Variants in SRPK1 observed in about 807,000 individuals in gnomAD.
SRPK1 encodes the protein SFRS protein kinase 1.
In SRPK1, 52 loss-of-function variants were observed where a neutral mutation model predicts 89.5. That is an observed-to-expected ratio of 0.58 (90% confidence interval 0.46 to 0.73). The LOEUF is 0.73. SRPK1 is among the 30% of genes least tolerant of loss of function. The pLI, the probability that SRPK1 is intolerant of heterozygous loss-of-function variation, is 0.00. For missense variants in SRPK1, 603 were observed against 780.6 expected (o/e 0.77, Z 2.71); for synonymous variants, 255 against 270.2 (o/e 0.94, Z 0.55).
At chr6:35,909,573 G>C (rs183190030) in intron 2 of SRPK1, among the ~76,000 whole-genome samples, 4 of 152,220 alleles carry the variant, frequency 2.6e-5, no homozygotes, top group African/African-American at 9.7e-5. Flanking sequence ...GAGGACAAGA[G>C]ATCTGGGAGG....
chr6:35,894,957 G>A (rs1454688566), intron 2 of SRPK1, among the ~76,000 whole-genome samples: 1 of 152,070 alleles, frequency 6.6e-6, no homozygotes, highest in Non-Finnish European at 1.5e-5. Flanking sequence ...GAAGTTCCAA[G>A]AGCACAACTA....
rs1424922682 is a variant in SRPK1 at position 35,833,670 on chromosome 6, CAG to C, written c.*1632_*1633del. The stretch of plus-strand genomic sequence containing the variant: ...TCCGATGAATGGCTGGCCAGTTACT[CAG>C]AGTAATATGTTTATGAGTTAAATGG... On this transcript the variant is annotated 3_prime_UTR_variant, in exon 16 of 16. Transcript: ENST00000373825. 1 of 152,654 alleles carries C rather than the reference CAG, an allele frequency of 6.6e-6. No homozygotes were observed. Among genetic ancestry groups the C allele is most frequent in the Non-Finnish European group, 1.5e-5 (1 of 68,046 alleles). 9.5% of individuals were successfully genotyped at this position (152,654 alleles called of 1,614,324 possible). A position where few individuals can be genotyped will look rare whatever the true frequency, so the allele number is the denominator to read the frequency against.
chr6:35,903,066 C>T (rs951652278), intron 2 of SRPK1, among the ~76,000 whole-genome samples: 1 of 151,570 alleles, frequency 6.6e-6, no homozygotes, highest in Non-Finnish European at 1.5e-5. Context: ...ATCACTTGAG[C>T]CCAGGAGTTC....
chr6:35,878,530 G>A (rs114200157), intron 6 of SRPK1, among the ~76,000 whole-genome samples: 7 of 152,220 alleles, frequency 4.6e-5, no homozygotes, highest in African/African-American at 1.7e-4. Flanking sequence ...TGTAAATGTT[G>A]GTCAATTTCA....
rs371732561 is a variant in SRPK1, at chr6:35,876,002, G to A, written c.479-1663C>T. The stretch of plus-strand genomic sequence containing the variant: ...CCATGTACTATGCTTGACAAACACG[G>A]TTAACCTGAATTTAATCATGAGGAA... On this transcript the variant is annotated intron_variant, in intron 6 of 15. Transcript: ENST00000373825. Among the ~76,000 whole-genome samples the A allele has an allele frequency of 8.8e-5, 13 of 147,154 alleles. No homozygotes were observed. The South Asian group carries it at 2.4e-3, about 27-fold the overall frequency.
intron 12 of SRPK1, among the ~76,000 whole-genome samples, chr6:35,861,727 T>G (rs1264169681): frequency 6.6e-6 from 1 of 152,210 alleles, no homozygotes; most frequent in Non-Finnish European, 1.5e-5. Context: ...CAGCTGCCAC[T>G]TGGCTGAGGA....
rs998094537 is a variant in SRPK1, at chr6:35,834,215, C to G, written c.*1089G>C. 6.6e-6 allele frequency: 1 copy of G among 152,490 alleles called. No individual in the cohort carries two copies. The highest frequency in any genetic ancestry group is 1.5e-5 in the Non-Finnish European group (1 of 68,008). 9.4% of individuals were successfully genotyped at this position (152,490 alleles called of 1,614,324 possible). On this transcript the variant is annotated 3_prime_UTR_variant, in exon 16 of 16. Coordinates refer to ENST00000373825, the MANE Select transcript of SRPK1 (RefSeq NM_003137.5). ...AAAAAAAGTGCCATCCCACCCCTCC[C>G]CTTGGTTCTTTCATTTGGGGTTATA...
Position 35,893,980 on chromosome 6 carries a change from C to T in SRPK1, c.75-2967G>A, listed in dbSNP as rs186205731. Among the ~76,000 whole-genome samples the T allele has an allele frequency of 4.5e-4, 69 of 152,084 alleles. No homozygotes were observed. The East Asian group carries it at 0.013, about 29-fold the overall frequency. On this transcript the variant is annotated intron_variant, in intron 2 of 15. Transcript: ENST00000373825. ...GAGCCGAGATCATGCCACTGTGCTC[C>T]AGCCTGGGCGACAGAGCGAGACTCT...
At chr6:35,883,543 TGA>T (rs1770342004) in intron 6 of SRPK1, among the ~76,000 whole-genome samples, 1 of 152,292 alleles carries the variant, frequency 6.6e-6, no homozygotes, top group African/African-American at 2.4e-5. Flanking sequence ...TTTTATTTGT[TGA>T]GAGAAGTATT....
intron 2 of SRPK1, among the ~76,000 whole-genome samples, chr6:35,903,990 G>A (rs1770796859): frequency 6.7e-6 from 1 of 149,404 alleles, no homozygotes; most frequent in African/African-American, 2.5e-5. Context: ...TTTTTTTAAA[G>A]ACAGGGTCCC....
intron 2 of SRPK1, among the ~76,000 whole-genome samples, chr6:35,893,455 A>G (rs1449000817): frequency 6.6e-6 from 1 of 151,374 alleles, no homozygotes; most frequent in East Asian, 1.9e-4. Context: ...ACTGCACTCC[A>G]GCATGGGCGA....
intron 2 of SRPK1, chr6:35,904,922 C>T (rs775852081): frequency 9.5e-6 from 4 of 418,852 alleles, no homozygotes; most frequent in South Asian, 3.4e-5. Flanking sequence ...TGAGAGGATC[C>T]CTTGAGGCCA....
rs199952944 is a variant in SRPK1 at position 35,837,724 on chromosome 6, T to TA, written c.1783+612dup. On this transcript the variant is annotated intron_variant, in intron 15 of 15. Coordinates refer to ENST00000373825, the MANE Select transcript of SRPK1 (RefSeq NM_003137.5). ...GTGTGTACCACCATGCCCAGTTAATTAAAAATTTTTTTTTGTAGAGACAGG... is the reference window on the plus strand; with the variant it reads ...GTGTGTACCACCATGCCCAGTTAATTAAAAAATTTTTTTTTGTAGAGACAGG... Among the ~76,000 whole-genome samples the TA allele has an allele frequency of 4.8e-3, 736 of 152,154 alleles. 9 individuals carry two copies. Among genetic ancestry groups the TA allele is most frequent in the African/African-American group, 0.017 (707 of 41,506 alleles).
intron 11 of SRPK1, 87 bp from the exon 12 acceptor site, chr6:35,869,197 T>G: frequency 8.6e-7 from 1 of 1,157,052 alleles, no homozygotes. Context: ...GTAAGAGTAA[T>G]ACAGTCAGCA....
rs1447670957 is a variant in SRPK1, at chr6:35,857,298, T to C, written c.1583A>G (p.Tyr528Cys). 2 of 1,613,242 alleles carry C rather than the reference T, an allele frequency of 1.2e-6. No homozygotes were observed. Among genetic ancestry groups the C allele is most frequent in the Non-Finnish European group, 1.7e-6 (2 of 1,179,688 alleles). ...RSLEVLIGSG[Y>C]NTPADIWSTA... is the part of the protein sequence containing the mutation. ...GCTCCAAATGTCAGCAGGGGTATTATAGCCAGATCCGATTAGAACTTCCAA... is the reference window on the plus strand; with the variant it reads ...GCTCCAAATGTCAGCAGGGGTATTACAGCCAGATCCGATTAGAACTTCCAA... Residue 528 changes from tyrosine (Y) to cysteine (C), a missense_variant, in exon 13 of 16, where the codon TAT becomes TGT. By Grantham distance (194) the Tyr-to-Cys change is radical. Transcript: ENST00000373825.
chr6:35,835,898 T>C (rs9462128), intron 15 of SRPK1, among the ~76,000 whole-genome samples: 47,867 of 151,970 alleles, frequency 0.31, 7,775 homozygotes, highest in South Asian at 0.42. Context: ...ATGTGCTCAA[T>C]AGTTTAGTAA....
chr6:35,897,927 T>C (rs1457276524), intron 2 of SRPK1, among the ~76,000 whole-genome samples: 2 of 152,258 alleles, frequency 1.3e-5, no homozygotes, highest in Non-Finnish European at 2.9e-5. Context: ...ATCACCTGTA[T>C]GTTTATTTAA....
chr6:35,853,470 T>C (rs998057683), intron 13 of SRPK1, among the ~76,000 whole-genome samples: 1 of 152,304 alleles, frequency 6.6e-6, no homozygotes, highest in African/African-American at 2.4e-5. Context: ...GATTTTGGTA[T>C]CTGCAGGGGG....
rs776978089 is a variant in SRPK1, at chr6:35,838,430, C to CT, written c.1691-2dup. 2.1e-5 allele frequency: 33 copies of CT among 1,576,930 alleles called. No homozygotes were observed. Among genetic ancestry groups the CT allele is most frequent in the Non-Finnish European group, 2.4e-5 (28 of 1,169,268 alleles). On this transcript the variant is annotated splice_acceptor_variant, in intron 14 of 15. Coordinates refer to ENST00000373825, the MANE Select transcript of SRPK1 (RefSeq NM_003137.5). LOFTEE classifies it high-confidence loss of function. ...AGTTCTATGATCAATGCAATGTGAT[C>CT]TGTATATTTCAAACATTTCAAGAGG...
Sources: allele counts gnomAD v4.1 joint callset (sites outside exome capture counted in the v4.1 genomes callset), GRCh38; gene constraint gnomAD v4.1.1; transcripts MANE v1.5; gene names NCBI Gene and HGNC (gene_info 2026-07-23, HGNC 2026-07-21).